The following TNS1 variants were observed in gnomAD, a reference collection of about 807,000 sequenced individuals.
TNS1 encodes tensin-1.
Under a neutral mutation model 168.6 loss-of-function variants are expected in TNS1, and 62 were observed. That is an observed-to-expected ratio of 0.37 (90% CI 0.30 to 0.45). The LOEUF (loss-of-function observed/expected upper bound fraction) is 0.45. TNS1 is among the 20% of genes least tolerant of loss of function. The pLI, the probability that TNS1 is intolerant of heterozygous loss-of-function variation, is 1.00. For synonymous variants in TNS1, 934 were observed against 933.2 expected, an observed-to-expected ratio of 1.00 and a Z score of -0.02; for missense variants, 2,240 against 2,339.4, an observed-to-expected ratio of 0.96 and a Z score of 0.88.
intron 3 of TNS1, among the ~76,000 whole-genome samples, chr2:217,962,354 A>G (rs1186563725): frequency 6.6e-6 from 1 of 152,164 alleles, no homozygotes; most frequent in Non-Finnish European, 1.5e-5. Flanking sequence ...GAGGCAGGAG[A>G]ATTGCTTGAA....
intron 22 of TNS1, 49 bp from the exon 23 acceptor site, chr2:217,821,987 G>T (rs1380777487): frequency 3.9e-6 from 6 of 1,523,740 alleles, no homozygotes; most frequent in Non-Finnish European, 5.3e-6. Context: ...GCACAGGGGT[G>T]CAGTGCAGGT....
chr2:217,896,044 G>A (rs1952259574), intron 8 of TNS1, among the ~76,000 whole-genome samples: 1 of 152,266 alleles, frequency 6.6e-6, no homozygotes, highest in African/African-American at 2.4e-5. Context: ...CTGTCAGCCT[G>A]TCTTAAGGAC....
At chr2:218,007,690 G>A (rs1958672273), upstream of TNS1, among the ~76,000 whole-genome samples, 3 of 152,028 alleles carry the variant, frequency 2.0e-5, no homozygotes. Flanking sequence ...TCAGCGAGGA[G>A]AGATCTGGGT....
chr2:217,875,369 A>G (rs1356473247), intron 18 of TNS1, among the ~76,000 whole-genome samples: 1 of 152,176 alleles, frequency 6.6e-6, no homozygotes, highest in East Asian at 1.9e-4. Flanking sequence ...CGAAAGTCTG[A>G]GAGGGAAGCC....
chr2:217,956,402 G>A (rs1480245848), intron 3 of TNS1, among the ~76,000 whole-genome samples: 1 of 152,086 alleles, frequency 6.6e-6, no homozygotes, highest in African/African-American at 2.4e-5. Flanking sequence ...GTCCTGAGGG[G>A]CGCAGCAGAA....
At chr2:217,836,856 G>T (rs577970958) in intron 19 of TNS1, among the ~76,000 whole-genome samples, 1 of 151,968 alleles carries the variant, frequency 6.6e-6, no homozygotes. Context: ...CAAAGATAGC[G>T]GCGGATCCCA....
At chr2:217,947,178 A>G (rs1016961496) in intron 3 of TNS1, among the ~76,000 whole-genome samples, 2 of 150,454 alleles carry the variant, frequency 1.3e-5, no homozygotes, top group South Asian at 2.1e-4. Flanking sequence ...TCCCACCCCA[A>G]TGCAGGATTG....
chr2:217,886,656 T>C lies in TNS1; in HGVS notation c.867-10A>G. ...GAAGTAATGCACGTACCTGTAGTGG[T>C]GGGAGAAGCAGCTTCAGGGAGTGAG... is the stretch of plus-strand genomic sequence containing the variant. On this transcript the variant is annotated splice_polypyrimidine_tract_variant and intron_variant, in intron 12 of 32. Coordinates refer to ENST00000682258, the MANE Select transcript of TNS1 (RefSeq NM_001387777.1). The C allele has an allele frequency of 6.4e-7, 1 of 1,567,232 alleles. No homozygotes were observed.
intron 3 of TNS1, among the ~76,000 whole-genome samples, chr2:217,947,194 C>T (rs1176040044): frequency 6.9e-6 from 1 of 145,252 alleles, no homozygotes; most frequent in African/African-American, 2.5e-5. Context: ...GATTGCACAT[C>T]TGGTTCCAGT....
rs1954019734 is a variant in TNS1 at position 217,908,959 on chromosome 2, T to C, written c.229-1708A>G. Among the ~76,000 whole-genome samples the C allele has an allele frequency of 2.0e-5, 3 of 152,054 alleles. No individual in the cohort carries two copies. In the South Asian group the frequency reaches 6.2e-4, roughly 32 times the overall value. Reference sequence around the variant, plus strand: ...GTTCTGCCCTCTCTCAGCTCAGCCCTAATCCTAACCCACTAATCCCCTAAC... The same window carrying C: ...GTTCTGCCCTCTCTCAGCTCAGCCCCAATCCTAACCCACTAATCCCCTAAC... On this transcript the variant is annotated intron_variant, in intron 4 of 32. Transcript: ENST00000682258.
At chr2:217,972,176 T>C (rs1026702658) in intron 3 of TNS1, among the ~76,000 whole-genome samples, 3 of 152,222 alleles carry the variant, frequency 2.0e-5, no homozygotes, top group Admixed American at 1.3e-4. Context: ...AGAATCACCA[T>C]GTTACAGATG....
chr2:217,812,448 G>A lies in TNS1; in HGVS notation c.4955-3C>T, dbSNP rs1479058018. The A allele has an allele frequency of 1.9e-6, 3 of 1,613,868 alleles. No homozygotes were observed. The highest frequency in any genetic ancestry group is 1.7e-6 in the Non-Finnish European group (2 of 1,179,940). On this transcript the variant is annotated splice_region_variant and splice_polypyrimidine_tract_variant and intron_variant, in intron 27 of 32. Coordinates refer to ENST00000682258, the MANE Select transcript of TNS1 (RefSeq NM_001387777.1). ...GTAGACCAGGGCAGACAGCGATCCT[G>A]TAGGGAGGCAGACGGCATGTCATGG...
intron 1 of TNS1, among the ~76,000 whole-genome samples, chr2:217,993,742 T>C (rs1001785104): frequency 6.6e-6 from 1 of 152,218 alleles, no homozygotes; most frequent in African/African-American, 2.4e-5. Flanking sequence ...GGGTCTAGAC[T>C]GAATGGTATT....
chr2:217,952,795 T>A (rs1053229401), intron 3 of TNS1, among the ~76,000 whole-genome samples: 1 of 152,182 alleles, frequency 6.6e-6, no homozygotes, highest in Admixed American at 6.5e-5. Flanking sequence ...GCGAACAGGA[T>A]TGGGGCAAGA....
At chr2:217,933,538 C>A (rs187539376) in intron 3 of TNS1, among the ~76,000 whole-genome samples, 1 of 152,264 alleles carries the variant, frequency 6.6e-6, no homozygotes, top group African/African-American at 2.4e-5. Context: ...CTCTGCATGG[C>A]CCCAAGCACA....
At chr2:217,888,392 A>G (rs3828284) in intron 12 of TNS1, among the ~76,000 whole-genome samples, 3 of 152,092 alleles carry the variant, frequency 2.0e-5, no homozygotes, top group Non-Finnish European at 2.9e-5. Flanking sequence ...GCACTTCCAC[A>G]TCTGGGCTCA....
intron 5 of TNS1, 150 bp downstream of exon 5, chr2:217,907,060 A>C (rs375311699): frequency 2.0e-5 from 12 of 590,612 alleles, no homozygotes; most frequent in African/African-American, 1.8e-4. Flanking sequence ...CAGCCGCCCC[A>C]CTACTTCCCT....
At chr2:217,899,034 T>C (rs1055460891) in intron 7 of TNS1, among the ~76,000 whole-genome samples, 2 of 151,598 alleles carry the variant, frequency 1.3e-5, no homozygotes, top group Admixed American at 6.6e-5. Context: ...AAGTGGAGAG[T>C]GGAGGGCAGC....
chr2:217,920,286 A>G (rs919550722), intron 3 of TNS1, 50 bp from the exon 4 acceptor site: 1 of 702,680 alleles, frequency 1.4e-6, no homozygotes, highest in African/African-American at 1.7e-5. Context: ...GTCTCTAGAG[A>G]CAGCCAGCAC....
Sources: allele counts gnomAD v4.1 joint callset (sites outside exome capture counted in the v4.1 genomes callset), GRCh38; gene constraint gnomAD v4.1.1; transcripts MANE v1.5; gene names NCBI Gene and HGNC (gene_info 2026-07-23, HGNC 2026-07-21).